Variants in USP32 observed in about 807,000 individuals in gnomAD.
USP32 encodes ubiquitin specific peptidase 32.
A neutral mutation model predicts 204.8 loss-of-function variants in USP32; 59 were observed. The observed-to-expected ratio is 0.29, with a 90% CI of 0.23 to 0.36. USP32 has a LOEUF of 0.36. Ranked by LOEUF, USP32 falls within the 10% of genes least tolerant of loss-of-function variation. USP32 has a pLI of 1.00. For synonymous variants in USP32, 517 were observed against 678.4 expected (o/e 0.76, Z 3.70); for missense variants, 1,160 against 1,946.4 (o/e 0.60, Z 7.60).
At chr17:60,356,523 A>G (rs946521723) in intron 1 of USP32, among the ~76,000 whole-genome samples, 8 of 152,324 alleles carry the variant, frequency 5.3e-5, no homozygotes, top group African/African-American at 1.9e-4. Flanking sequence ...GGCTGAACTT[A>G]TAGGTTCAAG....
chr17:60,374,664 C>T (rs750569920), intron 1 of USP32, among the ~76,000 whole-genome samples: 5 of 152,196 alleles, frequency 3.3e-5, no homozygotes, highest in East Asian at 1.9e-4. Context: ...GGAGCCACCA[C>T]GTTCAGCCAA....
intron 2 of USP32, among the ~76,000 whole-genome samples, chr17:60,327,684 A>G (rs2145957525): frequency 6.6e-6 from 1 of 152,342 alleles, no homozygotes; most frequent in South Asian, 2.1e-4. Flanking sequence ...TCTCAGATGC[A>G]GGACCTGGAC....
At chr17:60,271,317 G>A in intron 6 of USP32, 33 bp downstream of exon 6, 1 of 1,610,328 alleles carries the variant, frequency 6.2e-7, no homozygotes, top group Non-Finnish European at 8.5e-7. Context: ...ATGTTTACCA[G>A]TGAACATATG....
rs542051752 is a variant in USP32 at position 60,406,282 on chromosome 17, G to A, written c.106+15964C>T. Among the ~76,000 whole-genome samples, 3 of 151,746 alleles carry A rather than the reference G, an allele frequency of 2.0e-5. No homozygotes were observed. The South Asian group carries it at 6.2e-4, about 32-fold the overall frequency. ...CAACCTCCGCCTCCTGGGTTCAAGC[G>A]ATTCTCCTGCCTCAGCCTCCCAAAT... On this transcript the variant is annotated intron_variant, in intron 1 of 3. Coordinates refer to the USP32 transcript ENST00000588898.
chr17:60,257,408 A>G (rs1164867187), intron 9 of USP32, among the ~76,000 whole-genome samples: 1 of 152,182 alleles, frequency 6.6e-6, no homozygotes, highest in African/African-American at 2.4e-5. Context: ...ACTTAGCCAT[A>G]TTGGTTCTAG....
intron 12 of USP32, among the ~76,000 whole-genome samples, chr17:60,233,590 A>C (rs2085632380): frequency 6.6e-6 from 1 of 152,192 alleles, no homozygotes; most frequent in African/African-American, 2.4e-5. Flanking sequence ...CCAGAATGTC[A>C]CTTTTTTAAA....
Position 60,327,099 on chromosome 17 carries a change from A to G in USP32, c.186+18382T>C, listed in dbSNP as rs375332911. On this transcript the variant is annotated intron_variant, in intron 2 of 33. Coordinates refer to ENST00000300896, the MANE Select transcript of USP32 (RefSeq NM_032582.4). Reference sequence around the variant, plus strand: ...ACTATAATTAACAACAATTGGTTGTATATTTTCAAATAGCTAGACGACCAG... The same window carrying G: ...ACTATAATTAACAACAATTGGTTGTGTATTTTCAAATAGCTAGACGACCAG... Among the ~76,000 whole-genome samples, 7 of 152,366 alleles carry G rather than the reference A, an allele frequency of 4.6e-5. No homozygotes were observed. In the South Asian group the frequency reaches 1.4e-3, roughly 32 times the overall value.
intron 11 of USP32, among the ~76,000 whole-genome samples, chr17:60,239,583 T>C (rs940566760): frequency 6.6e-6 from 1 of 152,198 alleles, no homozygotes; most frequent in African/African-American, 2.4e-5. Flanking sequence ...TTCTGCCTGC[T>C]CATATCTGAT....
upstream of USP32, among the ~76,000 whole-genome samples, chr17:60,395,562 G>A (rs144751700): frequency 1.4e-4 from 22 of 152,320 alleles, no homozygotes; most frequent in African/African-American, 5.1e-4. Context: ...AAGTCTGCTT[G>A]TCATGCTGAA....
chr17:60,287,243 TAA>T (rs899074365), intron 5 of USP32, among the ~76,000 whole-genome samples: 3 of 152,206 alleles, frequency 2.0e-5, no homozygotes, highest in Non-Finnish European at 2.9e-5. Context: ...CTCAAATTTT[TAA>T]AAGATGGTTC....
intron 1 of USP32, among the ~76,000 whole-genome samples, chr17:60,352,367 C>T (rs1023978942): frequency 1.3e-5 from 2 of 152,246 alleles, no homozygotes; most frequent in Admixed American, 1.3e-4. Context: ...AAGTTATAAG[C>T]CATACAGTAA....
intron 11 of USP32, among the ~76,000 whole-genome samples, chr17:60,244,136 C>A (rs2085953168): frequency 6.7e-6 from 1 of 148,866 alleles, no homozygotes; most frequent in South Asian, 2.1e-4. Flanking sequence ...CCCGGGTTCA[C>A]GCCATTCTCC....
At chr17:60,410,388 G>T (rs150701747) in intron 1 of USP32, among the ~76,000 whole-genome samples, 3 of 152,136 alleles carry the variant, frequency 2.0e-5, no homozygotes, top group Non-Finnish European at 4.4e-5. Context: ...CCCTAGCCTC[G>T]GTGGGCGCGG....
At chr17:60,396,883 CT>C (rs1322700613), upstream of USP32, among the ~76,000 whole-genome samples, 2 of 152,222 alleles carry the variant, frequency 1.3e-5, no homozygotes, top group Non-Finnish European at 2.9e-5. Flanking sequence ...TCTACTCCAA[CT>C]GCAATGAAGT....
intron 7 of USP32, among the ~76,000 whole-genome samples, chr17:60,266,874 T>C (rs1476333687): frequency 6.6e-6 from 1 of 151,914 alleles, no homozygotes; most frequent in African/African-American, 2.4e-5. Context: ...CAGGATGGTC[T>C]CGATCTCCTG....
chr17:60,276,948 T>TAC (rs745484896), intron 5 of USP32, among the ~76,000 whole-genome samples: 24 of 146,060 alleles, frequency 1.6e-4, no homozygotes, highest in African/African-American at 6.1e-4. Context: ...TACATATACA[T>TAC]ATATATATAT....
intron 21 of USP32, among the ~76,000 whole-genome samples, chr17:60,210,396 C>G (rs896772254): frequency 6.6e-6 from 1 of 152,022 alleles, no homozygotes; most frequent in Non-Finnish European, 1.5e-5. Context: ...ATTGCAAACA[C>G]CACCTCCCAG....
At chr17:60,238,832 T>C (rs2085804083) in intron 11 of USP32, among the ~76,000 whole-genome samples, 2 of 149,990 alleles carry the variant, frequency 1.3e-5, no homozygotes, top group Admixed American at 1.3e-4. Flanking sequence ...ATTAGCTGGT[T>C]GTGGTGGTGC....
chr17:60,288,311 G>A (rs1422199204), intron 5 of USP32, among the ~76,000 whole-genome samples: 6 of 151,938 alleles, frequency 3.9e-5, no homozygotes, highest in African/African-American at 1.2e-4. Flanking sequence ...ATGGTGGCGA[G>A]TGCCTGTAGT....
Sources: gnomAD v4.1 joint callset for allele counts (sites outside exome capture counted in the v4.1 genomes callset) on GRCh38, gnomAD v4.1.1 for gene constraint, MANE v1.5 for transcripts, NCBI Gene and HGNC (gene_info 2026-07-23, HGNC 2026-07-21) for gene names.